ELOVL6: variants seen among roughly 807,000 people sequenced by gnomAD.
The protein encoded by ELOVL6 is ELOVL fatty acid elongase 6.
A neutral mutation model predicts 31.7 loss-of-function variants in ELOVL6; 8 were observed. The observed-to-expected ratio is 0.25, with a 90% CI of 0.15 to 0.45. The LOEUF (loss-of-function observed/expected upper bound fraction) is 0.45. Among genes scored for constraint, ELOVL6 ranks in the 20% least tolerant of loss-of-function variants. The pLI, the probability that ELOVL6 is intolerant of heterozygous loss-of-function variation, is 1.00. For missense variants in ELOVL6, 126 were observed against 326.4 expected (o/e 0.39, Z 4.73); for synonymous variants, 101 against 117.7 (o/e 0.86, Z 0.92).
intron 1 of ELOVL6, among the ~76,000 whole-genome samples, chr4:110,196,975 CA>C (rs1759819066): frequency 6.6e-6 from 1 of 152,210 alleles, no homozygotes; most frequent in East Asian, 1.9e-4. Flanking sequence ...CCCCTTTTCG[CA>C]GCTGCGGCCC....
intron 1 of ELOVL6, among the ~76,000 whole-genome samples, chr4:110,158,635 G>GTATTTATATATATATA (rs1553961433): frequency 1.2e-5 from 1 of 81,574 alleles, no homozygotes; most frequent in Non-Finnish European, 2.1e-5. Context: ...ATATACACGT[G>GTATTTATATATATATA]TATATATATA....
intron 2 of ELOVL6, among the ~76,000 whole-genome samples, chr4:110,103,769 AT>A: frequency 7.3e-6 from 1 of 137,116 alleles, no homozygotes; most frequent in East Asian, 3.4e-4. Flanking sequence ...AAGCCAAAAG[AT>A]ATCAGTTAAT....
chr4:110,155,339 T>C (rs967890562), intron 1 of ELOVL6, among the ~76,000 whole-genome samples: 1 of 152,106 alleles, frequency 6.6e-6, no homozygotes, highest in African/African-American at 2.4e-5. Context: ...TATATAGTTA[T>C]AGTTATACTA....
chr4:110,192,025 A>G (rs993772375), intron 1 of ELOVL6, among the ~76,000 whole-genome samples: 1 of 151,872 alleles, frequency 6.6e-6, no homozygotes, highest in Non-Finnish European at 1.5e-5. Context: ...ACTCGTTTCT[A>G]CTAAATACAA....
chr4:110,056,061 C>A (rs77070487), intron 3 of ELOVL6, among the ~76,000 whole-genome samples: 1,933 of 144,356 alleles, frequency 0.013, 52 homozygotes, highest in African/African-American at 0.048. Context: ...GGTTGCTCAA[C>A]AATCTGAATA....
At chr4:110,107,069 G>C (rs1756910228) in intron 1 of ELOVL6, among the ~76,000 whole-genome samples, 1 of 152,138 alleles carries the variant, frequency 6.6e-6, no homozygotes, top group Non-Finnish European at 1.5e-5. Flanking sequence ...AGCAAAATGT[G>C]TTCACCTAAA....
At chr4:110,130,573 A>C (rs1757638834) in intron 1 of ELOVL6, among the ~76,000 whole-genome samples, 1 of 152,248 alleles carries the variant, frequency 6.6e-6, no homozygotes, top group Non-Finnish European at 1.5e-5. Flanking sequence ...GCCCAAGGAA[A>C]AGTAACTCCC....
At chr4:110,183,429 G>T (rs62326656) in intron 1 of ELOVL6, among the ~76,000 whole-genome samples, 19,223 of 152,080 alleles carry the variant, frequency 0.13, 1,340 homozygotes, top group African/African-American at 0.19. Flanking sequence ...CCTAAAATGT[G>T]TAAAACCAAG....
chr4:110,177,001 C>T (rs114419001), intron 1 of ELOVL6, among the ~76,000 whole-genome samples: 1,959 of 152,262 alleles, frequency 0.013, 26 homozygotes, highest in Non-Finnish European at 0.018. Flanking sequence ...TCCCAAAGTG[C>T]GAGATTACAG....
At chr4:110,156,012 A>G (rs1758406316) in intron 1 of ELOVL6, among the ~76,000 whole-genome samples, 1 of 152,246 alleles carries the variant, frequency 6.6e-6, no homozygotes, top group Non-Finnish European at 1.5e-5. Flanking sequence ...TCTCAGGAAT[A>G]GTGCCTTAGT....
At chr4:110,168,282 AG>A (rs1277557691) in intron 1 of ELOVL6, among the ~76,000 whole-genome samples, 1 of 152,170 alleles carries the variant, frequency 6.6e-6, no homozygotes, top group African/African-American at 2.4e-5. Context: ...TGGGAGTCTG[AG>A]GTGGGCAGAT....
chr4:110,127,240 C>G (rs1757525123), intron 1 of ELOVL6, among the ~76,000 whole-genome samples: 1 of 151,852 alleles, frequency 6.6e-6, no homozygotes, highest in South Asian at 2.1e-4. Context: ...AACCCTGTCT[C>G]TACTAAAAAT....
At chr4:110,066,749 G>C (rs1168445008) in intron 2 of ELOVL6, among the ~76,000 whole-genome samples, 1 of 150,450 alleles carries the variant, frequency 6.6e-6, no homozygotes, top group Non-Finnish European at 1.5e-5. Flanking sequence ...TTGAGAACAA[G>C]CATCTTTATT....
intron 2 of ELOVL6, among the ~76,000 whole-genome samples, chr4:110,104,108 C>T (rs1415656560): frequency 1.3e-5 from 2 of 152,008 alleles, no homozygotes; most frequent in African/African-American, 4.8e-5. Flanking sequence ...CTTTTTTTCT[C>T]CGCTTACAAG....
rs532866088 is a variant in ELOVL6, at chr4:110,197,143, G to A, written c.89+1104C>T. The stretch of plus-strand genomic sequence containing the variant: ...CGGCTCCCGGGAGACCCTGCGGCCC[G>A]ACCCTCCCCGGTCAAGCCATCCCCC... On this transcript the variant is annotated intron_variant, in intron 1 of 3. Transcript: ENST00000302274. Among the ~76,000 whole-genome samples the A allele has an allele frequency of 1.7e-3, 253 of 152,266 alleles. 2 individuals carry two copies. The highest frequency in any genetic ancestry group is 5.7e-3 in the African/African-American group (237 of 41,576).
At chr4:110,112,879 C>A (rs963228424) in intron 1 of ELOVL6, among the ~76,000 whole-genome samples, 1 of 148,764 alleles carries the variant, frequency 6.7e-6, no homozygotes, top group East Asian at 2.0e-4. Flanking sequence ...ATCTCAGAAA[C>A]GAAAATAAAA....
chr4:110,080,447 C>T (rs1178740717), intron 2 of ELOVL6, among the ~76,000 whole-genome samples: 1 of 152,192 alleles, frequency 6.6e-6, no homozygotes, highest in East Asian at 1.9e-4. Flanking sequence ...ATACGCAAAT[C>T]AGTAAACGTA....
chr4:110,055,534 T>C (rs1237628720), intron 3 of ELOVL6, among the ~76,000 whole-genome samples: 1 of 152,196 alleles, frequency 6.6e-6, no homozygotes, highest in Non-Finnish European at 1.5e-5. Flanking sequence ...TGTTGTTCCT[T>C]ATACCCAAGT....
At chr4:110,085,350 A>G (rs1756228583) in intron 2 of ELOVL6, among the ~76,000 whole-genome samples, 1 of 152,246 alleles carries the variant, frequency 6.6e-6, no homozygotes, top group Non-Finnish European at 1.5e-5. Context: ...AGAGGTTACC[A>G]GAACACTGCT....
Sources: allele counts gnomAD v4.1 joint callset (sites outside exome capture counted in the v4.1 genomes callset), GRCh38; gene constraint gnomAD v4.1.1; transcripts MANE v1.5; gene names NCBI Gene and HGNC (gene_info 2026-07-23, HGNC 2026-07-21).